ERAP1: variants seen among roughly 807,000 people sequenced by gnomAD.
The protein encoded by ERAP1 is adipocyte-derived leucine aminopeptidase.
A neutral mutation model predicts 103.7 loss-of-function variants in ERAP1; 86 were observed. The ratio of observed to expected loss-of-function variants is 0.83; its 90% CI spans 0.70 to 0.99. The LOEUF (loss-of-function observed/expected upper bound fraction) is 0.99. Ranked by LOEUF, ERAP1 falls within the 50% of genes least tolerant of loss-of-function variation. ERAP1 has a pLI of 0.00. For synonymous variants in ERAP1, 398 were observed against 402.4 expected (o/e 0.99, Z 0.13); for missense variants, 1,009 against 1,128.4 (o/e 0.89, Z 1.52).
intron 14 of ERAP1, among the ~76,000 whole-genome samples, chr5:96,783,632 A>T (rs1157778032): frequency 6.6e-6 from 1 of 152,176 alleles, no homozygotes. Flanking sequence ...AACGTCAGCC[A>T]TTGTAATAGG....
the ERAP1 span, among the ~76,000 whole-genome samples, chr5:96,889,788 C>T: frequency 1.1e-4 from 16 of 151,974 alleles, no homozygotes; most frequent in African/African-American, 3.6e-4. Flanking sequence ...CTTCTATGCC[C>T]AGCAGCATTG....
At chr5:96,774,457 A>T (rs1034010996), downstream of ERAP1, 75 of 962,152 alleles carry the variant, frequency 7.8e-5, no homozygotes, top group Non-Finnish European at 9.2e-5. Flanking sequence ...TCTAGTTAGG[A>T]GAGAGAAAAT....
At chr5:96,809,589 A>G (rs1779027336), upstream of ERAP1, among the ~76,000 whole-genome samples, 1 of 152,168 alleles carries the variant, frequency 6.6e-6, no homozygotes, top group Non-Finnish European at 1.5e-5. Context: ...TTTATAATAT[A>G]AAGATTAACA....
intron 2 of ERAP1, among the ~76,000 whole-genome samples, chr5:96,803,032 C>A (rs866771661): frequency 1.3e-5 from 2 of 151,944 alleles, no homozygotes; most frequent in Non-Finnish European, 2.9e-5. Context: ...AGCCTCCAGA[C>A]CTGAGAGAGA....
the ERAP1 span, among the ~76,000 whole-genome samples, chr5:96,854,249 T>G: frequency 6.6e-6 from 1 of 152,348 alleles, no homozygotes; most frequent in African/African-American, 2.4e-5. Context: ...CACTTAGCAG[T>G]GTCTATCTGG....
At chr5:96,867,903 G>A in the ERAP1 span, among the ~76,000 whole-genome samples, 1 of 152,058 alleles carries the variant, frequency 6.6e-6, no homozygotes. Flanking sequence ...GTGAAACATT[G>A]TCTCTACTAC....
the ERAP1 span, among the ~76,000 whole-genome samples, chr5:96,891,541 C>T: frequency 0.19 from 25,411 of 132,536 alleles, 2,749 homozygotes; most frequent in African/African-American, 0.26. Flanking sequence ...TATATACACA[C>T]ACACACACAC....
chr5:96,794,346 A>G (rs1331312978), intron 5 of ERAP1, among the ~76,000 whole-genome samples: 2 of 149,612 alleles, frequency 1.3e-5, no homozygotes, highest in African/African-American at 2.4e-5. Context: ...GCACCTCCAC[A>G]CTCAGCTAAT....
chr5:96,874,134 GAGAGAA>G, the ERAP1 span, among the ~76,000 whole-genome samples: 3 of 128,566 alleles, frequency 2.3e-5, no homozygotes, highest in East Asian at 2.2e-4. Flanking sequence ...AAGAAAGAGA[GAGAGAA>G]AGAAAGAAAG....
At chr5:96,809,286 G>C (rs181422887), upstream of ERAP1, among the ~76,000 whole-genome samples, 1 of 152,292 alleles carries the variant, frequency 6.6e-6, no homozygotes, top group Non-Finnish European at 1.5e-5. Context: ...AACCTCCTGG[G>C]AGTGTAGCCC....
chr5:96,892,782 T>G, the ERAP1 span, among the ~76,000 whole-genome samples: 1 of 152,220 alleles, frequency 6.6e-6, no homozygotes, highest in Admixed American at 6.5e-5. Context: ...TAAAGATTTC[T>G]ACTAAAAATA....
At chr5:96,872,814 T>C in the ERAP1 span, among the ~76,000 whole-genome samples, 1 of 152,200 alleles carries the variant, frequency 6.6e-6, no homozygotes, top group South Asian at 2.1e-4. Flanking sequence ...GTTCAGTTTA[T>C]AATTTTTTAA....
In ERAP1 at chr5:96,783,213, C is replaced by T. The variant is rs996263439; in HGVS notation, c.2123G>A (p.Arg708Lys). Residue 708 changes from arginine (R) to lysine (K), a missense_variant, in exon 15 of 19, where the codon AGG becomes AAG. Arg to Lys is a conservative substitution (Grantham distance 26). Coordinates refer to ENST00000443439, the MANE Select transcript of ERAP1 (RefSeq NM_001040458.3). ...QFKAFLIRLL[R>K]DLIDKQTWTD... ...CCATGTCTGCTTATCAATGAGGTCC[C>T]TTAGCAGCCTGATGAGGAAGGCCTG... is the stretch of plus-strand genomic sequence containing the variant. 1.2e-6 allele frequency: 2 copies of T among 1,612,136 alleles called. No individual in the cohort carries two copies. The highest frequency in any genetic ancestry group is 8.5e-7 in the Non-Finnish European group (1 of 1,178,248).
At chr5:96,855,707 T>C in the ERAP1 span, among the ~76,000 whole-genome samples, 3 of 151,516 alleles carry the variant, frequency 2.0e-5, no homozygotes, top group Non-Finnish European at 4.4e-5. Context: ...TTTCCACTTC[T>C]CTCCCACTTA....
the ERAP1 span, chr5:96,912,865 C>A: frequency 7.6e-7 from 1 of 1,323,490 alleles, no homozygotes; most frequent in Non-Finnish European, 1.0e-6. Context: ...GTCACTAAAA[C>A]TTCAGCCACC....
chr5:96,770,539 C>G (rs371786334), downstream of ERAP1: 5 of 1,611,668 alleles, frequency 3.1e-6, no homozygotes, highest in South Asian at 3.3e-5. Flanking sequence ...AGGATAAGTG[C>G]AAGAAGGCTG....
intron 7 of ERAP1, among the ~76,000 whole-genome samples, chr5:96,792,519 A>G (rs939014673): frequency 6.6e-6 from 1 of 152,228 alleles, no homozygotes; most frequent in African/African-American, 2.4e-5. Context: ...AGTAATTTCA[A>G]CATTTCCAAT....
At chr5:96,934,482 C>T in the ERAP1 span, 3 of 152,190 alleles carry the variant, frequency 2.0e-5, no homozygotes, top group African/African-American at 7.2e-5. Context: ...GCATGAAGGC[C>T]TTTGTTACCA....
At chr5:96,892,661 A>G in the ERAP1 span, among the ~76,000 whole-genome samples, 2 of 152,336 alleles carry the variant, frequency 1.3e-5, no homozygotes, top group South Asian at 4.1e-4. Flanking sequence ...AGAAGTAGCC[A>G]TTAAATTTAT....
Sources: gnomAD v4.1 joint callset for allele counts (sites outside exome capture counted in the v4.1 genomes callset) on GRCh38, gnomAD v4.1.1 for gene constraint, MANE v1.5 for transcripts, NCBI Gene and HGNC (gene_info 2026-07-23, HGNC 2026-07-21) for gene names.